Variants in ROR1 observed in about 807,000 individuals in gnomAD.
ROR1 encodes ROR family WNT receptor 1.
Under a neutral mutation model 78.8 loss-of-function variants are expected in ROR1, and 19 were observed. That is an observed-to-expected ratio of 0.24 (90% CI 0.17 to 0.35). The LOEUF (loss-of-function observed/expected upper bound fraction) is 0.35. ROR1 is among the 10% of genes least tolerant of loss of function. ROR1 has a pLI of 1.00. For missense variants in ROR1, 917 were observed against 1,177.8 expected (o/e 0.78, Z 3.24); for synonymous variants, 386 against 433.6 (o/e 0.89, Z 1.36).
chr1:63,843,500 G>A (rs1360012434), intron 1 of ROR1: 1 of 754,508 alleles, frequency 1.3e-6, no homozygotes, highest in Non-Finnish European at 2.4e-6. Context: ...GGTCGTCGAT[G>A]GTCTGGCTCA....
intron 4 of ROR1, among the ~76,000 whole-genome samples, chr1:64,051,770 A>G (rs1646835337): frequency 6.6e-6 from 1 of 152,238 alleles, no homozygotes; most frequent in South Asian, 2.1e-4. Flanking sequence ...TCTACAAAAA[A>G]AAATCCTCAA....
At chr1:63,972,263 G>A (rs1646125145) in intron 1 of ROR1, among the ~76,000 whole-genome samples, 1 of 152,150 alleles carries the variant, frequency 6.6e-6, no homozygotes, top group Non-Finnish European at 1.5e-5. Flanking sequence ...CATGAGGAAT[G>A]TAGCATTTTC....
At chr1:63,779,909 A>C (rs550705146) in intron 1 of ROR1, among the ~76,000 whole-genome samples, 97 of 152,324 alleles carry the variant, frequency 6.4e-4, no homozygotes, top group Middle Eastern at 3.4e-3. Context: ...GGAAGAGGGC[A>C]GATAATTTAA....
chr1:63,945,035 T>C (rs1645873227), intron 1 of ROR1, among the ~76,000 whole-genome samples: 1 of 152,158 alleles, frequency 6.6e-6, no homozygotes, highest in African/African-American at 2.4e-5. Flanking sequence ...TGGTAATTTT[T>C]TATATCCCAG....
chr1:63,879,844 C>G (rs1645311683), intron 1 of ROR1, among the ~76,000 whole-genome samples: 1 of 152,156 alleles, frequency 6.6e-6, no homozygotes, highest in East Asian at 1.9e-4. Context: ...AGAAACATTT[C>G]TACTTTGAAA....
At chr1:63,945,972 C>T (rs571221839) in intron 1 of ROR1, among the ~76,000 whole-genome samples, 14 of 152,282 alleles carry the variant, frequency 9.2e-5, no homozygotes, top group African/African-American at 1.4e-4. Flanking sequence ...CTTGTTCTGC[C>T]GGATCTTTTC....
intron 1 of ROR1, among the ~76,000 whole-genome samples, chr1:63,889,454 G>C (rs113357986): frequency 0.028 from 4,207 of 152,214 alleles, 180 homozygotes; most frequent in African/African-American, 0.096. Flanking sequence ...GCTGGGATTT[G>C]AACACTGATC....
At chr1:63,797,577 G>C (rs1260246291) in intron 1 of ROR1, among the ~76,000 whole-genome samples, 1 of 152,134 alleles carries the variant, frequency 6.6e-6, no homozygotes, top group Non-Finnish European at 1.5e-5. Context: ...CAATTAGTAG[G>C]GTTTATTTGT....
At chr1:63,870,220 T>A (rs1467730824) in intron 1 of ROR1, among the ~76,000 whole-genome samples, 1 of 152,192 alleles carries the variant, frequency 6.6e-6, no homozygotes, top group Non-Finnish European at 1.5e-5. Flanking sequence ...TACACCATAA[T>A]ATTATTCATG....
chr1:63,981,942 G>A lies in ROR1; in HGVS notation c.92-27363G>A, dbSNP rs182096115. Among the ~76,000 whole-genome samples the A allele has an allele frequency of 1.8e-4, 27 of 151,998 alleles. No homozygotes were observed. The South Asian group carries it at 3.1e-3, about 18-fold the overall frequency. ...TTTGTTGTTAATGCTTGTTGCTCTCGCTTGCCTCCCTTTTTGTTTTCTCTT... is the reference window on the plus strand; with the variant it reads ...TTTGTTGTTAATGCTTGTTGCTCTCACTTGCCTCCCTTTTTGTTTTCTCTT... On this transcript the variant is annotated intron_variant, in intron 1 of 8. Transcript: ENST00000371079.
Position 63,982,685 on chromosome 1 carries a change from T to C in ROR1, c.92-26620T>C, listed in dbSNP as rs555499579. Among the ~76,000 whole-genome samples, 7 of 152,312 alleles carry C rather than the reference T, an allele frequency of 4.6e-5. 1 individual carries two copies. The highest frequency in any genetic ancestry group is 1.4e-4 in the African/African-American group (6 of 41,574). On this transcript the variant is annotated intron_variant, in intron 1 of 8. Coordinates refer to ENST00000371079, the MANE Select transcript of ROR1 (RefSeq NM_005012.4). ...ACAGACTCTGGGAGTTTAAGATATA[T>C]GCTTTCAATACATTAGAATATTCCT...
chr1:64,070,842 G>A (rs535530571), intron 4 of ROR1, among the ~76,000 whole-genome samples: 1 of 152,206 alleles, frequency 6.6e-6, no homozygotes, highest in African/African-American at 2.4e-5. Context: ...CAATAAATAA[G>A]ATAGGAAGAA....
intron 4 of ROR1, among the ~76,000 whole-genome samples, chr1:64,057,896 G>A (rs954596690): frequency 5.9e-5 from 9 of 152,142 alleles, no homozygotes; most frequent in Admixed American, 3.9e-4. Context: ...CTGGAATATT[G>A]ATAAGGATGG....
At chr1:63,907,349 C>T (rs1645537592) in intron 1 of ROR1, among the ~76,000 whole-genome samples, 1 of 152,158 alleles carries the variant, frequency 6.6e-6, no homozygotes, top group Non-Finnish European at 1.5e-5. Flanking sequence ...TTCTGAGCCT[C>T]AGTTTCCTTC....
intron 2 of ROR1, among the ~76,000 whole-genome samples, chr1:64,041,774 G>C (rs1320980744): frequency 6.6e-6 from 1 of 152,192 alleles, no homozygotes; most frequent in Non-Finnish European, 1.5e-5. Flanking sequence ...AAGAAAATGT[G>C]TTCGGCCAGC....
rs905652260 is a variant in ROR1, at chr1:63,825,679, A to G, written c.91+51171A>G. 3.3e-5 allele frequency among the ~76,000 whole-genome samples: 5 copies of G among 152,386 alleles called. No homozygotes were observed. The South Asian group carries it at 8.3e-4, about 25-fold the overall frequency. The stretch of plus-strand genomic sequence containing the variant: ...AATGTTATGTGAATTATACCTAAAT[A>G]TAACTGGTAAAAATATTCTTTGAAA... On this transcript the variant is annotated intron_variant, in intron 1 of 8. Transcript: ENST00000371079.
chr1:63,984,007 C>T (rs931835236), intron 1 of ROR1, among the ~76,000 whole-genome samples: 1 of 152,176 alleles, frequency 6.6e-6, no homozygotes, highest in Non-Finnish European at 1.5e-5. Context: ...CCTTTCTAAA[C>T]ACACCTCGAC....
chr1:64,049,868 C>G lies in ROR1; in HGVS notation c.341C>G (p.Ser114Cys). The G allele has an allele frequency of 1.2e-6, 2 of 1,614,236 alleles. No homozygotes were observed. Among genetic ancestry groups the G allele is most frequent in the Non-Finnish European group, 1.7e-6 (2 of 1,180,036 alleles). Residue 114 changes from serine to cysteine, a missense_variant, in exon 3 of 9, where the codon TCT becomes TGT. By Grantham distance (112) the Ser-to-Cys change is moderately radical. Transcript: ENST00000371079. ...RLSFRSTIYG[S>C]RLRIRNLDTT... ...TCCTTTCGGTCCACCATCTATGGCTCTCGGCTGCGGATTAGAAACCTCGAC... is the reference window on the plus strand; with the variant it reads ...TCCTTTCGGTCCACCATCTATGGCTGTCGGCTGCGGATTAGAAACCTCGAC...
intron 2 of ROR1, among the ~76,000 whole-genome samples, chr1:64,042,906 T>C (rs143746762): frequency 1.4e-4 from 21 of 152,358 alleles, no homozygotes; most frequent in Non-Finnish European, 1.2e-4. Flanking sequence ...TAACTGTGTT[T>C]GGCAGCCTTC....
Sources: allele counts gnomAD v4.1 joint callset (sites outside exome capture counted in the v4.1 genomes callset), GRCh38; gene constraint gnomAD v4.1.1; transcripts MANE v1.5; gene names NCBI Gene and HGNC (gene_info 2026-07-23, HGNC 2026-07-21).